Variants in TET1 observed in about 807,000 individuals in gnomAD.
The protein encoded by TET1 is tet methylcytosine dioxygenase 1.
In TET1, 13 loss-of-function variants were observed where a neutral mutation model predicts 148.7. The ratio of observed to expected loss-of-function variants is 0.09; its 90% CI spans 0.06 to 0.14. TET1 has a LOEUF of 0.14. Ranked by LOEUF, TET1 falls within the 10% of genes least tolerant of loss-of-function variation. The probability of loss-of-function intolerance (pLI) is 1.00; values close to 1 mark genes in which losing one functional copy is unlikely to be tolerated. For synonymous variants in TET1, 907 were observed against 937.2 expected, an observed-to-expected ratio of 0.97 and a Z score of 0.59; for missense variants, 2,182 against 2,553.8, an observed-to-expected ratio of 0.85 and a Z score of 3.14.
At chr10:68,624,690 C>CTT (rs1447911875) in intron 3 of TET1, among the ~76,000 whole-genome samples, 2 of 123,274 alleles carry the variant, frequency 1.6e-5, no homozygotes, top group East Asian at 2.4e-4. Flanking sequence ...CTCTCTCTCT[C>CTT]TCTCTCTTTC....
chr10:68,662,263 C>A (rs1280083421), intron 6 of TET1, among the ~76,000 whole-genome samples: 2 of 152,068 alleles, frequency 1.3e-5, no homozygotes, highest in Non-Finnish European at 2.9e-5. Flanking sequence ...CCCGCCTTGA[C>A]CTCCCAAATT....
chr10:68,602,427 AATGGCTCTC>A (rs1190576627), intron 3 of TET1, among the ~76,000 whole-genome samples: 5 of 152,198 alleles, frequency 3.3e-5, no homozygotes, highest in Non-Finnish European at 5.9e-5. Flanking sequence ...TCCTCTTAAA[AATGGCTCTC>A]ATTTGTTGGG....
At chr10:68,627,868 G>A (rs369526738) in intron 3 of TET1, among the ~76,000 whole-genome samples, 9 of 152,150 alleles carry the variant, frequency 5.9e-5, no homozygotes, top group East Asian at 5.8e-4. Flanking sequence ...CCTGAGAGGC[G>A]GAGGTTGCAG....
chr10:68,691,828 CCT>C lies in TET1; in HGVS notation c.*17_*18del. ...CATTGGGTCTGAAGGCTTTTCTCCC[CCT>C]CTTAATGCCTTTGCTAGTGCAGTGT... On this transcript the variant is annotated 3_prime_UTR_variant, in exon 12 of 12. Transcript: ENST00000373644. The surrounding 1 kb of genome is among the most constrained non-coding windows in gnomAD (Gnocchi z 4.4). 2 of 1,591,190 alleles carry C rather than the reference CCT, an allele frequency of 1.3e-6. No individual in the cohort carries two copies. Among genetic ancestry groups the C allele is most frequent in the Non-Finnish European group, 1.7e-6 (2 of 1,169,964 alleles).
intron 1 of TET1, among the ~76,000 whole-genome samples, chr10:68,570,652 CAG>C (rs1209222646): frequency 6.6e-6 from 1 of 150,722 alleles, no homozygotes; most frequent in African/African-American, 2.4e-5. Flanking sequence ...TTTTTTGAGA[CAG>C]AGTCTTGCTC....
intron 2 of TET1, among the ~76,000 whole-genome samples, chr10:68,599,427 G>A (rs143091135): frequency 1.3e-5 from 2 of 152,244 alleles, no homozygotes; most frequent in African/African-American, 2.4e-5. Context: ...CACCACAGCT[G>A]CCCTGCTCTG....
At chr10:68,571,738 T>C (rs1479865404) in intron 1 of TET1, among the ~76,000 whole-genome samples, 1 of 152,052 alleles carries the variant, frequency 6.6e-6, no homozygotes, top group African/African-American at 2.4e-5. Context: ...TAGCCCAAGC[T>C]GGTCTTGAAC....
Position 68,646,746 on chromosome 10 carries a change from T to C in TET1, c.4017T>C (p.Gly1339=). The C allele has an allele frequency of 6.2e-7, 1 of 1,614,140 alleles. No individual in the cohort carries two copies. The highest frequency in any genetic ancestry group is 8.5e-7 in the Non-Finnish European group (1 of 1,180,028). Residue 1339 remains glycine (G), a synonymous_variant, in exon 4 of 12, where the codon GGT becomes GGC. Transcript: ENST00000373644. Reference sequence around the variant, plus strand: ...ATCAGAGACTGCCAACATTGCCTGGTATCTCTCATGAAACACCCTTACCGG... The same window carrying C: ...ATCAGAGACTGCCAACATTGCCTGGCATCTCTCATGAAACACCCTTACCGG... ...LMHQRLPTLP[G]ISHETPLPES...
intron 8 of TET1, chr10:68,674,410 AC>A (rs1431295666): frequency 3.3e-6 from 1 of 304,604 alleles, no homozygotes; most frequent in Non-Finnish European, 6.3e-6. Context: ...GATTTGTATT[AC>A]GTGAAAGCAT....
chr10:68,658,021 G>A (rs557885747), intron 6 of TET1, among the ~76,000 whole-genome samples: 9 of 152,236 alleles, frequency 5.9e-5, no homozygotes, highest in African/African-American at 2.2e-4. Context: ...TACAGCCAGT[G>A]AATTACATTG....
At chr10:68,678,878 A>G (rs537991572) in intron 8 of TET1, among the ~76,000 whole-genome samples, 2 of 152,248 alleles carry the variant, frequency 1.3e-5, no homozygotes, top group South Asian at 4.1e-4. Context: ...CTGTAATAGT[A>G]AAATAATACT....
At chr10:68,650,253 T>C (rs561540942) in intron 4 of TET1, among the ~76,000 whole-genome samples, 41 of 152,274 alleles carry the variant, frequency 2.7e-4, no homozygotes, top group Non-Finnish European at 4.7e-4. Context: ...GGTATTTCCA[T>C]GAGTCCCCTT....
At chr10:68,668,774 A>C (rs960141394) in intron 7 of TET1, among the ~76,000 whole-genome samples, 4 of 152,188 alleles carry the variant, frequency 2.6e-5, no homozygotes, top group African/African-American at 9.7e-5. Context: ...CCAAGAGTTC[A>C]AAAGCCAGAC....
rs2053626865 is a variant in TET1 at position 68,568,107 on chromosome 10, A to G, written c.-122-4110A>G. ...TGGTCAAGCTGCTCTCGAACTCCCA[A>G]CCTCAGGTGATCCACCCACCTTGGC... On this transcript the variant is annotated intron_variant, in intron 1 of 11. Coordinates refer to ENST00000373644, the MANE Select transcript of TET1 (RefSeq NM_030625.3). Among the ~76,000 whole-genome samples the G allele has an allele frequency of 4.0e-5, 6 of 151,884 alleles. No individual in the cohort carries two copies. The South Asian group carries it at 1.2e-3, about 32-fold the overall frequency.
Position 68,651,846 on chromosome 10 carries a change from A to G in TET1, c.4277A>G (p.Asp1426Gly). The change falls in exon 5 of 12, where the codon GAT becomes GGT. Residue 1426 changes from aspartate (D) to glycine (G), a missense_variant and splice_region_variant. By Grantham distance (94) the Asp-to-Gly change is moderately conservative. Coordinates refer to ENST00000373644, the MANE Select transcript of TET1 (RefSeq NM_030625.3). ...DSELPTCSCLDRVIQKDKGPY... is the reference protein window; with the variant it reads ...DSELPTCSCLGRVIQKDKGPY... ...TCTAATAATCTTATTCCTTCCACAG[A>G]TCGAGTTATACAAAAAGACAAAGGC... The G allele has an allele frequency of 1.9e-6, 3 of 1,610,982 alleles. No homozygotes were observed. Among genetic ancestry groups the G allele is most frequent in the Non-Finnish European group, 2.5e-6 (3 of 1,178,716 alleles).
intron 3 of TET1, among the ~76,000 whole-genome samples, chr10:68,619,354 T>C (rs2054338034): frequency 6.6e-6 from 1 of 152,040 alleles, no homozygotes; most frequent in Non-Finnish European, 1.5e-5. Flanking sequence ...CTCAGTCTCC[T>C]AAGTAGCTGG....
intron 3 of TET1, among the ~76,000 whole-genome samples, chr10:68,642,897 A>G (rs1187351540): frequency 6.6e-6 from 1 of 152,098 alleles, no homozygotes; most frequent in Non-Finnish European, 1.5e-5. Context: ...GCGCTACTGT[A>G]CCCAGCTGTA....
At chr10:68,585,743 G>T (rs148089433) in intron 2 of TET1, among the ~76,000 whole-genome samples, 1 of 152,084 alleles carries the variant, frequency 6.6e-6, no homozygotes, top group South Asian at 2.1e-4. Context: ...GGGCACGGTG[G>T]CGCACACCTG....
Position 68,651,931 on chromosome 10 carries a change from G to A in TET1, c.4362G>A (p.Glu1454=). 1 of 1,613,216 alleles carries A rather than the reference G, an allele frequency of 6.2e-7. No homozygotes were observed. The highest frequency in any genetic ancestry group is 8.5e-7 in the Non-Finnish European group (1 of 1,179,406). ...TTGCTGCTGTCAGGGAAATCATGGA[G>A]AATAGGTGAGGAAATACGCTTCCCT... The part of the protein sequence containing the change: ...PSVAAVREIM[E]NRYGQKGNAI... Residue 1454 remains glutamate (E), a synonymous_variant, in exon 5 of 12, where the codon GAG becomes GAA. Transcript: ENST00000373644.
Sources: gnomAD v4.1 joint callset for allele counts (sites outside exome capture counted in the v4.1 genomes callset) on GRCh38, gnomAD v4.1.1 for gene constraint, Gnocchi (gnomAD v3.1) non-coding constraint, MANE v1.5 for transcripts, NCBI Gene and HGNC (gene_info 2026-07-23, HGNC 2026-07-21) for gene names.